The following ARHGEF26 variants were observed in gnomAD, a reference collection of about 807,000 sequenced individuals.
ARHGEF26 encodes Rho guanine nucleotide exchange factor (GEF) 26.
In ARHGEF26, 59 loss-of-function variants were observed where a neutral mutation model predicts 89.4. That is an observed-to-expected ratio of 0.66 (90% confidence interval 0.54 to 0.82). The LOEUF (loss-of-function observed/expected upper bound fraction) is 0.82, where lower values mean the gene tolerates loss of function less well. ARHGEF26 is among the 40% of genes least tolerant of loss of function. ARHGEF26 has a pLI of 0.00. For synonymous variants in ARHGEF26, 500 were observed against 428.4 expected, an observed-to-expected ratio of 1.17 and a Z score of -2.06; for missense variants, 1,234 against 1,085.6, an observed-to-expected ratio of 1.14 and a Z score of -1.92.
At position 154,124,425 on chromosome 3, in the gene ARHGEF26, G is replaced by A. The variant is rs1166137862; in HGVS notation, c.1099G>A (p.Gly367Arg). 1.3e-6 allele frequency: 2 copies of A among 1,485,300 alleles called. No homozygotes were observed. The highest frequency in any genetic ancestry group is 2.8e-5 in the Admixed American group (1 of 35,262). The allele number at this position is 1,485,300 out of a possible 1,614,324, so 92.0% of individuals were successfully genotyped here. ...LGRIKKKMLK[G>R]QGTFDGEENA... The stretch of plus-strand genomic sequence containing the variant: ...TGTCTCTTAGAAAAAAATGCTGAAA[G>A]GACAAGGAACATTTGATGGGGAAGG... Residue 367 changes from glycine to arginine, a missense_variant, in exon 3 of 15, where the codon GGA becomes AGA. By Grantham distance (125) the Gly-to-Arg change is moderately radical (BLOSUM62 -2). Coordinates refer to ENST00000465093, the MANE Select transcript of ARHGEF26 (RefSeq NM_015595.4).
At chr3:154,168,101 TC>T (rs1409316486) in intron 6 of ARHGEF26, among the ~76,000 whole-genome samples, 1 of 152,208 alleles carries the variant, frequency 6.6e-6, no homozygotes, top group Non-Finnish European at 1.5e-5. Flanking sequence ...ATAAACTACT[TC>T]CATGGAATTT....
chr3:154,249,919 G>T (rs1036921876), intron 12 of ARHGEF26, among the ~76,000 whole-genome samples: 1 of 152,156 alleles, frequency 6.6e-6, no homozygotes, highest in Non-Finnish European at 1.5e-5. Flanking sequence ...AAATTTAATC[G>T]TGGGTAAGTC....
At chr3:154,225,802 A>T in intron 10 of ARHGEF26, 54 bp from the exon 11 acceptor site, 1 of 1,531,570 alleles carries the variant, frequency 6.5e-7, no homozygotes, top group Non-Finnish European at 8.7e-7. Flanking sequence ...ACTTTCAGTA[A>T]ACTTAAAAGG....
chr3:154,217,597 A>G (rs961179440), intron 9 of ARHGEF26, among the ~76,000 whole-genome samples: 1 of 152,166 alleles, frequency 6.6e-6, no homozygotes, highest in African/African-American at 2.4e-5. Flanking sequence ...GAGGTTGGCC[A>G]TCTCCCTTCA....
At chr3:154,184,977 A>T (rs1261770062) in intron 6 of ARHGEF26, among the ~76,000 whole-genome samples, 2 of 151,924 alleles carry the variant, frequency 1.3e-5, no homozygotes, top group Non-Finnish European at 2.9e-5. Context: ...AACCAGACCC[A>T]CGTTGCTTCC....
chr3:154,225,704 T>C, intron 10 of ARHGEF26, 152 bp from the exon 11 acceptor site: 1 of 683,160 alleles, frequency 1.5e-6, no homozygotes, highest in Non-Finnish European at 2.2e-6. Flanking sequence ...ACTGTACTTC[T>C]GTATTTATAG....
intron 6 of ARHGEF26, among the ~76,000 whole-genome samples, 189 bp downstream of exon 6, chr3:154,153,121 G>A (rs1720125312): frequency 6.6e-6 from 1 of 152,150 alleles, no homozygotes; most frequent in Non-Finnish European, 1.5e-5. Context: ...TGTGTAATGA[G>A]TTGTCACAGC....
In ARHGEF26 at chr3:154,122,345, A is replaced by G. The variant is rs943312584; in HGVS notation, c.353A>G (p.Lys118Arg). ...LRRPKSPKLP[K>R]AVPGGSPKSP... The stretch of plus-strand genomic sequence containing the variant: ...CGGCCCAAGTCACCCAAGCTCCCCA[A>G]AGCGGTGCCTGGCGGCTCCCCGAAA... Residue 118 changes from lysine (K) to arginine (R), a missense_variant, in exon 2 of 15, where the codon AAA becomes AGA. By Grantham distance (26) the Lys-to-Arg change is conservative. Coordinates refer to ENST00000465093, the MANE Select transcript of ARHGEF26 (RefSeq NM_015595.4). 1.4e-5 allele frequency: 23 copies of G among 1,612,522 alleles called. No homozygotes were observed. The highest frequency in any genetic ancestry group is 1.7e-5 in the Non-Finnish European group (20 of 1,179,746).
At chr3:154,144,781 C>G (rs1374499385) in intron 4 of ARHGEF26, among the ~76,000 whole-genome samples, 1 of 152,098 alleles carries the variant, frequency 6.6e-6, no homozygotes, top group Non-Finnish European at 1.5e-5. Flanking sequence ...TCTTGAGATT[C>G]AAACACTTTT....
chr3:154,195,291 C>A (rs1247558733), intron 9 of ARHGEF26, among the ~76,000 whole-genome samples: 1 of 152,184 alleles, frequency 6.6e-6, no homozygotes, highest in Non-Finnish European at 1.5e-5. Context: ...CTGGAATGTT[C>A]TCCATGTGGC....
At chr3:154,221,094 C>G (rs1716093974) in intron 10 of ARHGEF26, among the ~76,000 whole-genome samples, 1 of 151,516 alleles carries the variant, frequency 6.6e-6, no homozygotes, top group Non-Finnish European at 1.5e-5. Flanking sequence ...CTGACACTTT[C>G]ATCTTGGCCT....
chr3:154,228,316 T>C (rs977846023), intron 11 of ARHGEF26, among the ~76,000 whole-genome samples: 44 of 152,124 alleles, frequency 2.9e-4, no homozygotes, highest in African/African-American at 1.0e-3. Context: ...TTTGTATTTT[T>C]AGTAGAGATG....
At chr3:154,214,556 G>C (rs1715597349) in intron 9 of ARHGEF26, among the ~76,000 whole-genome samples, 1 of 152,174 alleles carries the variant, frequency 6.6e-6, no homozygotes, top group Non-Finnish European at 1.5e-5. Context: ...CCAGGGACAA[G>C]AGCGTGATGA....
At chr3:154,254,368 AT>A (rs1718349316) in intron 13 of ARHGEF26, among the ~76,000 whole-genome samples, 1 of 152,282 alleles carries the variant, frequency 6.6e-6, no homozygotes, top group South Asian at 2.1e-4. Flanking sequence ...TCTGTTGCAG[AT>A]TTTGCATGGC....
At chr3:154,159,747 T>G (rs571897110) in intron 6 of ARHGEF26, among the ~76,000 whole-genome samples, 10 of 152,306 alleles carry the variant, frequency 6.6e-5, no homozygotes, top group East Asian at 1.9e-4. Flanking sequence ...TTCTAAACTT[T>G]AATGCATAAG....
intron 4 of ARHGEF26, among the ~76,000 whole-genome samples, chr3:154,136,436 G>A (rs1477542492): frequency 6.6e-6 from 1 of 152,106 alleles, no homozygotes; most frequent in East Asian, 1.9e-4. Context: ...CACACATAGT[G>A]TACCTGTGGG....
intron 4 of ARHGEF26, among the ~76,000 whole-genome samples, chr3:154,138,394 T>G (rs1350871486): frequency 6.6e-6 from 1 of 152,246 alleles, no homozygotes; most frequent in Non-Finnish European, 1.5e-5. Flanking sequence ...TTTTTCTGTA[T>G]CTGCATTGTT....
At chr3:154,194,810 TAG>T (rs1714188463) in intron 9 of ARHGEF26, 92 bp downstream of exon 9, 2 of 1,094,222 alleles carry the variant, frequency 1.8e-6, no homozygotes, top group Admixed American at 4.1e-5. Context: ...TGAAAACTGG[TAG>T]AGTCTCACAG....
chr3:154,205,315 A>T (rs938237370), intron 9 of ARHGEF26, among the ~76,000 whole-genome samples: 1 of 152,042 alleles, frequency 6.6e-6, no homozygotes, highest in African/African-American at 2.4e-5. Context: ...TGATATAAGT[A>T]TAGCAACTCC....
Sources: allele counts gnomAD v4.1 joint callset (sites outside exome capture counted in the v4.1 genomes callset), GRCh38; gene constraint gnomAD v4.1.1; transcripts MANE v1.5; gene names NCBI Gene and HGNC (gene_info 2026-07-23, HGNC 2026-07-21).